FAM217A: variants seen among roughly 807,000 people sequenced by gnomAD.
FAM217A encodes family with sequence similarity 217 member A.
FAM217A carries 13 observed loss-of-function variants against 18.5 expected under a neutral mutation model. That is an observed-to-expected ratio of 0.70 (90% CI 0.46 to 1.12). The LOEUF is 1.12. FAM217A is among the 50% of genes most tolerant of loss of function. The pLI is 0.00. For missense variants in FAM217A, 560 were observed against 575.4 expected, an observed-to-expected ratio of 0.97 and a Z score of 0.27; for synonymous variants, 161 against 202.8, an observed-to-expected ratio of 0.79 and a Z score of 1.75.
At chr6:4,083,994 CTG>C (rs930714335), upstream of FAM217A, among the ~76,000 whole-genome samples, 1 of 152,164 alleles carries the variant, frequency 6.6e-6, no homozygotes, top group African/African-American at 2.4e-5. Context: ...TATGGGCAAT[CTG>C]TATTTAGCAT....
At position 4,069,004 on chromosome 6, in the gene FAM217A, T is replaced by C. The variant is rs1769209072; in HGVS notation, c.1219A>G (p.Ile407Val). 4 of 1,613,948 alleles carry C rather than the reference T, an allele frequency of 2.5e-6. No homozygotes were observed. The part of the protein sequence containing the change: ...ETYDKNPKSS[I>V]LSPCQELSFK... ...GAGAGTTCTTGGCATGGACTTAAAA[T>C]AGAACTTTTGGGATTCTTATCATAA... Residue 407 changes from isoleucine to valine, a missense_variant, in exon 7 of 7, where the codon ATT becomes GTT. Physicochemically the swap from Ile to Val is conservative, Grantham distance 29. Transcript: ENST00000274673.
At chr6:4,086,955 T>C (rs1446483296) in intron 1 of FAM217A, 7 of 398,964 alleles carry the variant, frequency 1.8e-5, no homozygotes, top group Non-Finnish European at 2.2e-5. Flanking sequence ...TTTACTTTGT[T>C]TTCTTGGTAT....
At position 4,068,710 on chromosome 6, in the gene FAM217A, T is replaced by A; in HGVS notation, c.1513A>T (p.Ile505Phe). 1 of 1,596,264 alleles carries A rather than the reference T, an allele frequency of 6.3e-7. No individual in the cohort carries two copies. Among genetic ancestry groups the A allele is most frequent in the Non-Finnish European group, 8.5e-7 (1 of 1,173,700 alleles). ...AAAGAAAAGAGTTATTTTTGTTCAATGGGTGAGCAGCACTTATCCTTAGCA... is the reference window on the plus strand; with the variant it reads ...AAAGAAAAGAGTTATTTTTGTTCAAAGGGTGAGCAGCACTTATCCTTAGCA... Reference protein sequence around the residue: ...LIAKDKCCSPIEQK With the variant: ...LIAKDKCCSPFEQK Residue 505 changes from isoleucine to phenylalanine, a missense_variant, in exon 7 of 7, where the codon ATT becomes TTT. Physicochemically the swap from Ile to Phe is conservative, Grantham distance 21 (BLOSUM62 0). Coordinates refer to ENST00000274673, the MANE Select transcript of FAM217A (RefSeq NM_173563.3).
chr6:4,080,092 G>A (rs1770182162), upstream of FAM217A, among the ~76,000 whole-genome samples: 1 of 151,954 alleles, frequency 6.6e-6, no homozygotes, highest in Non-Finnish European at 1.5e-5. Context: ...TAAACATTTG[G>A]GGGGATGAGA....
At chr6:4,074,510 C>A (rs1769641872) in intron 3 of FAM217A, 54 bp from the exon 4 acceptor site, 1 of 1,578,536 alleles carries the variant, frequency 6.3e-7, no homozygotes, top group South Asian at 1.1e-5. Context: ...TGATTATATT[C>A]AAAACAAACC....
At position 4,069,355 on chromosome 6, in the gene FAM217A, A is replaced by G; in HGVS notation, c.868T>C (p.Leu290=). The change falls in exon 7 of 7, where the codon TTA becomes CTA. Residue 290 remains leucine, a synonymous_variant. Coordinates refer to ENST00000274673, the MANE Select transcript of FAM217A (RefSeq NM_173563.3). The part of the protein sequence containing the change: ...ETSVEHLITR[L]LELERLQHMT... ...TGTTGTAATCGTTCTAGTTCCAGTA[A>G]ACGAGTTATCAAGTGTTCAACAGAG... 6.2e-7 allele frequency: 1 copy of G among 1,614,142 alleles called. No homozygotes were observed. The highest frequency in any genetic ancestry group is 8.5e-7 in the Non-Finnish European group (1 of 1,180,026).
intron 1 of FAM217A, among the ~76,000 whole-genome samples, chr6:4,085,273 G>A (rs2113899444): frequency 6.7e-6 from 1 of 149,906 alleles, no homozygotes; most frequent in Non-Finnish European, 1.5e-5. Flanking sequence ...GAAAATGAAT[G>A]AGATTGATTC....
upstream of FAM217A, among the ~76,000 whole-genome samples, chr6:4,080,388 A>G (rs940465846): frequency 1.2e-4 from 18 of 152,298 alleles, no homozygotes; most frequent in African/African-American, 4.3e-4. Context: ...CCCCAGTAGA[A>G]TATCAAACTC....
intron 2 of FAM217A, among the ~76,000 whole-genome samples, chr6:4,075,855 T>C (rs927288070): frequency 1.3e-5 from 2 of 152,102 alleles, no homozygotes; most frequent in African/African-American, 4.8e-5. Context: ...TAGTTGAACA[T>C]TGGAAGGGAG....
chr6:4,078,156 C>T (rs924335274), intron 1 of FAM217A, among the ~76,000 whole-genome samples: 2 of 149,536 alleles, frequency 1.3e-5, no homozygotes, highest in African/African-American at 5.0e-5. Context: ...CGGGTTCAAG[C>T]GATTCTCCTG....
upstream of FAM217A, chr6:4,079,782 T>C (rs181999102): frequency 1.0e-5 from 6 of 596,868 alleles, no homozygotes; most frequent in Middle Eastern, 7.6e-4. Flanking sequence ...GAGGCATCCT[T>C]GTTGACACCA....
chr6:4,070,566 G>A (rs1234630130), intron 6 of FAM217A, among the ~76,000 whole-genome samples: 2 of 152,112 alleles, frequency 1.3e-5, no homozygotes, highest in Non-Finnish European at 2.9e-5. Flanking sequence ...TGAGTTTCTA[G>A]TTAGTTTTTG....
chr6:4,069,959 T>C (rs1263688988), intron 6 of FAM217A, 39 bp from the exon 7 acceptor site: 2 of 1,381,124 alleles, frequency 1.4e-6, no homozygotes, highest in Admixed American at 4.6e-5. Context: ...GTTTATTGAC[T>C]AGAATTAAAA....
upstream of FAM217A, chr6:4,079,625 C>A (rs551176788): frequency 1.8e-4 from 228 of 1,288,546 alleles, no homozygotes; most frequent in Non-Finnish European, 1.9e-4. Flanking sequence ...CCCGGCCCAC[C>A]CGCCTCCACC....
intron 1 of FAM217A, among the ~76,000 whole-genome samples, chr6:4,078,451 T>C (rs1276301736): frequency 6.6e-6 from 1 of 152,172 alleles, no homozygotes; most frequent in East Asian, 1.9e-4. Context: ...ATAGGAGATT[T>C]AGTTTAGGTA....
At chr6:4,085,060 T>C (rs1396473930) in intron 1 of FAM217A, among the ~76,000 whole-genome samples, 2 of 152,138 alleles carry the variant, frequency 1.3e-5, no homozygotes, top group Non-Finnish European at 2.9e-5. Context: ...CACTGAATAA[T>C]AGAATTGGAA....
upstream of FAM217A, among the ~76,000 whole-genome samples, chr6:4,080,181 C>G (rs571153648): frequency 6.6e-6 from 1 of 152,296 alleles, no homozygotes; most frequent in South Asian, 2.1e-4. Flanking sequence ...TCAGGGGTTT[C>G]TCAGGTTCTT....
upstream of FAM217A, among the ~76,000 whole-genome samples, chr6:4,082,154 A>T (rs1770342251): frequency 6.6e-6 from 1 of 152,178 alleles, no homozygotes; most frequent in Admixed American, 6.5e-5. Flanking sequence ...GTGAAATATG[A>T]AAGCGACAAC....
chr6:4,069,698 G>T lies in FAM217A; in HGVS notation c.525C>A (p.Asn175Lys), dbSNP rs534649843. 1 of 1,614,044 alleles carries T rather than the reference G, an allele frequency of 6.2e-7. No homozygotes were observed. The highest frequency in any genetic ancestry group is 2.2e-5 in the East Asian group (1 of 44,872). ...GAGCAGGTAATGTTTCACCATCATT[G>T]TTTTCTATAGTTGAACATGAACTAA... ...IHVSSCSTIE[N>K]NDGETLPAPN... The change falls in exon 7 of 7, where the codon AAC (asparagine) becomes AAA (lysine). Residue 175 changes from asparagine (N) to lysine (K), a missense_variant. Coordinates refer to ENST00000274673, the MANE Select transcript of FAM217A (RefSeq NM_173563.3).
Sources: gnomAD v4.1 joint callset for allele counts (sites outside exome capture counted in the v4.1 genomes callset) on GRCh38, gnomAD v4.1.1 for gene constraint, MANE v1.5 for transcripts, NCBI Gene and HGNC (gene_info 2026-07-23, HGNC 2026-07-21) for gene names.